Variants in MAF observed in about 807,000 individuals in gnomAD.
MAF encodes transcription factor Maf.
A neutral mutation model predicts 22.0 loss-of-function variants in MAF; 10 were observed. That is an observed-to-expected ratio of 0.45 (90% CI 0.28 to 0.77). The LOEUF (loss-of-function observed/expected upper bound fraction) is 0.77. Among genes scored for constraint, MAF ranks in the 30% least tolerant of loss-of-function variants. MAF has a pLI of 0.12. For missense variants in MAF, 544 were observed against 548.4 expected, an observed-to-expected ratio of 0.99 and a Z score of 0.08; for synonymous variants, 337 against 255.8, an observed-to-expected ratio of 1.32 and a Z score of -3.03.
the MAF span, among the ~76,000 whole-genome samples, chr16:79,338,061 A>T: frequency 6.6e-6 from 1 of 152,224 alleles, no homozygotes; most frequent in Non-Finnish European, 1.5e-5. Flanking sequence ...TGAGGAGCCC[A>T]TAGTCCAATG....
chr16:79,576,106 T>C, the MAF span, among the ~76,000 whole-genome samples: 3 of 152,178 alleles, frequency 2.0e-5, no homozygotes, highest in South Asian at 4.2e-4. Context: ...CTTCTGAGTA[T>C]ACATCAATGG....
the MAF span, among the ~76,000 whole-genome samples, chr16:79,358,847 T>C: frequency 7.9e-5 from 12 of 152,232 alleles, no homozygotes; most frequent in African/African-American, 2.6e-4. Context: ...GAGATTGAGG[T>C]AGGCCAACAG....
the MAF span, among the ~76,000 whole-genome samples, chr16:79,383,653 T>G: frequency 2.0e-5 from 3 of 152,156 alleles, no homozygotes; most frequent in African/African-American, 7.2e-5. Context: ...GTGAATTATT[T>G]TTATTATTAT....
the MAF span, among the ~76,000 whole-genome samples, chr16:79,389,889 T>C: frequency 7.6e-6 from 1 of 131,650 alleles, no homozygotes; most frequent in African/African-American, 2.9e-5. Flanking sequence ...GGCAGGAGAA[T>C]GGCGTGAACC....
the MAF span, among the ~76,000 whole-genome samples, chr16:79,470,340 G>A: frequency 1.3e-5 from 2 of 152,114 alleles, no homozygotes; most frequent in Non-Finnish European, 2.9e-5. Context: ...TGGGTCCAGG[G>A]CAGGTCATGT....
the MAF span, among the ~76,000 whole-genome samples, chr16:79,232,309 A>T: frequency 6.6e-6 from 1 of 152,120 alleles, no homozygotes; most frequent in African/African-American, 2.4e-5. Context: ...ATATGAATAT[A>T]GGCATGGTTT....
the MAF span, among the ~76,000 whole-genome samples, chr16:79,467,966 C>T: frequency 2.0e-5 from 3 of 152,066 alleles, no homozygotes; most frequent in Non-Finnish European, 4.4e-5. Flanking sequence ...CTTGACCATG[C>T]TTTAATCTCC....
rs3743596 is a variant in MAF, at chr16:79,600,054, G to A, written c.-152C>T. 0.12 allele frequency: 124,869 copies of A among 1,045,624 alleles called. 9,742 individuals are homozygous for A. The highest frequency in any genetic ancestry group is 0.36 in the East Asian group (13,783 of 38,208). 64.8% of individuals were successfully genotyped at this position (1,045,624 alleles called of 1,614,324 possible). A position where few individuals can be genotyped will look rare whatever the true frequency, so the allele number is the denominator to read the frequency against. On this transcript the variant is annotated 5_prime_UTR_variant, in exon 1 of 2. Coordinates refer to ENST00000326043, the MANE Select transcript of MAF (RefSeq NM_005360.5). ...CGGCGGTGGCTGGCCCGAAACCTCC[G>A]AGCGCGCTCACACACACACCCCCCC...
At chr16:79,570,795 A>G in the MAF span, among the ~76,000 whole-genome samples, 1 of 152,222 alleles carries the variant, frequency 6.6e-6, no homozygotes, top group Non-Finnish European at 1.5e-5. Context: ...GCCCATGCCT[A>G]TGGGCATACT....
the MAF span, among the ~76,000 whole-genome samples, chr16:79,274,411 G>T: frequency 1.3e-5 from 2 of 152,100 alleles, no homozygotes; most frequent in African/African-American, 2.4e-5. Flanking sequence ...TCCAGGAGAG[G>T]CCCAGCCATT....
chr16:79,425,114 C>T, the MAF span, among the ~76,000 whole-genome samples: 8 of 151,928 alleles, frequency 5.3e-5, no homozygotes, highest in Admixed American at 3.3e-4. Flanking sequence ...TACTTTTCAT[C>T]GTATTAATTA....
chr16:79,519,138 A>G, the MAF span, among the ~76,000 whole-genome samples: 4 of 152,050 alleles, frequency 2.6e-5, no homozygotes, highest in African/African-American at 9.7e-5. Flanking sequence ...TCACAACATC[A>G]CTGTGGCAGA....
the MAF span, among the ~76,000 whole-genome samples, chr16:79,276,457 T>C: frequency 2.0e-5 from 3 of 152,150 alleles, no homozygotes; most frequent in Non-Finnish European, 4.4e-5. Context: ...GGGACACGTC[T>C]CCATTACACA....
the MAF span, among the ~76,000 whole-genome samples, chr16:79,334,372 G>A: frequency 6.6e-6 from 1 of 152,208 alleles, no homozygotes; most frequent in East Asian, 1.9e-4. Flanking sequence ...AGTCCCATGT[G>A]CGCGCTGTGC....
the MAF span, among the ~76,000 whole-genome samples, chr16:79,356,217 T>C: frequency 6.6e-6 from 1 of 152,014 alleles, no homozygotes; most frequent in Non-Finnish European, 1.5e-5. Flanking sequence ...CACACACCCT[T>C]GCAATGCACA....
the MAF span, among the ~76,000 whole-genome samples, chr16:79,234,809 C>T: frequency 0.04 from 6,157 of 152,172 alleles, 249 homozygotes; most frequent in African/African-American, 0.1. Context: ...GGATCTGATT[C>T]AGCCACCTGA....
chr16:79,285,759 C>G, the MAF span, among the ~76,000 whole-genome samples: 1 of 152,208 alleles, frequency 6.6e-6, no homozygotes. Context: ...GCACTGACGT[C>G]CTGCAGGAAG....
In MAF at chr16:79,599,229, C is replaced by T; in HGVS notation, c.674G>A (p.Gly225Glu). 1.0e-6 allele frequency: 1 copy of T among 978,562 alleles called. No homozygotes were observed. The highest frequency in any genetic ancestry group is 1.2e-6 in the Non-Finnish European group (1 of 827,202). 60.6% of individuals were successfully genotyped at this position (978,562 alleles called of 1,614,324 possible). A position where few individuals can be genotyped will look rare whatever the true frequency, so the allele number is the denominator to read the frequency against. Residue 225 changes from glycine to glutamate, a missense_variant, in exon 1 of 2, where the codon GGG (glycine) becomes GAG (glutamate). Coordinates refer to ENST00000326043, the MANE Select transcript of MAF (RefSeq NM_005360.5). ...GCCGCCGCCGCCGCCGCCGCCGCCC[C>T]CAGCGCTGGCCGGGCCACCGCCGCC... Reference protein sequence around the residue: ...GAGGGGPASAGGGGGGGGGGG... With the variant: ...GAGGGGPASAEGGGGGGGGGG...
At chr16:79,252,725 G>A in the MAF span, among the ~76,000 whole-genome samples, 2 of 152,232 alleles carry the variant, frequency 1.3e-5, no homozygotes, top group East Asian at 1.9e-4. Flanking sequence ...CCTGACCTCA[G>A]GTGATCCGCC....
Sources: allele counts gnomAD v4.1 joint callset (sites outside exome capture counted in the v4.1 genomes callset), GRCh38; gene constraint gnomAD v4.1.1; transcripts MANE v1.5; gene names NCBI Gene and HGNC (gene_info 2026-07-23, HGNC 2026-07-21).